The following ADORA2A variants were observed in gnomAD, a reference collection of about 807,000 sequenced individuals.
The protein encoded by ADORA2A is adenosine receptor A2a.
A neutral mutation model predicts 18.4 loss-of-function variants in ADORA2A; 11 were observed. The observed-to-expected ratio is 0.60, with a 90% confidence interval of 0.38 to 0.99. The LOEUF (loss-of-function observed/expected upper bound fraction) is 0.99, where lower values mean the gene tolerates loss of function less well. Among genes scored for constraint, ADORA2A ranks in the 50% least tolerant of loss-of-function variants. ADORA2A has a pLI of 0.01. For synonymous variants in ADORA2A, 218 were observed against 237.3 expected (o/e 0.92, Z 0.75); for missense variants, 449 against 556.1 (o/e 0.81, Z 1.94).
intron 2 of ADORA2A, among the ~76,000 whole-genome samples, chr22:24,436,321 G>A (rs186899807): frequency 1.3e-5 from 2 of 152,072 alleles, no homozygotes; most frequent in Non-Finnish European, 2.9e-5. Context: ...CCTCCTCTAC[G>A]TGCCGTTTCC....
chr22:24,435,288 A>T (rs2043146214), intron 2 of ADORA2A, among the ~76,000 whole-genome samples: 1 of 152,212 alleles, frequency 6.6e-6, no homozygotes, highest in South Asian at 2.1e-4. Context: ...CAGAACACGG[A>T]GGCCCAGGAG....
At chr22:24,437,087 G>T (rs1411592622) in intron 2 of ADORA2A, among the ~76,000 whole-genome samples, 2 of 152,180 alleles carry the variant, frequency 1.3e-5, no homozygotes, top group Non-Finnish European at 2.9e-5. Context: ...TACTCCTCAG[G>T]TTGGGACATG....
At chr22:24,434,026 T>C (rs973979548) in intron 2 of ADORA2A, among the ~76,000 whole-genome samples, 4 of 152,230 alleles carry the variant, frequency 2.6e-5, no homozygotes, top group African/African-American at 9.6e-5. Flanking sequence ...CAGATGAGTG[T>C]GGCCAGGGTC....
chr22:24,438,920 G>A (rs1314830531), intron 2 of ADORA2A, among the ~76,000 whole-genome samples: 1 of 151,996 alleles, frequency 6.6e-6, no homozygotes, highest in Admixed American at 6.6e-5. Context: ...GCAGGCGTAC[G>A]TTTTGCATGG....
chr22:24,440,710 A>C lies in ADORA2A; in HGVS notation c.460A>C (p.Asn154His). The C allele has an allele frequency of 2.5e-6, 4 of 1,614,138 alleles. No homozygotes were observed. Among genetic ancestry groups the C allele is most frequent in the Non-Finnish European group, 3.4e-6 (4 of 1,179,972 alleles). The change falls in exon 3 of 3, where the codon AAC (asparagine) becomes CAC (histidine). Residue 154 changes from asparagine to histidine, a missense_variant. Transcript: ENST00000337539. ...CTGCGGTCAGCCAAAGGAGGGCAAG[A>C]ACCACTCCCAGGGCTGCGGGGAGGG... ...NNCGQPKEGK[N>H]HSQGCGEGQV...
chr22:24,431,157 G>A (rs2043023958), intron 1 of ADORA2A: 1 of 456,826 alleles, frequency 2.2e-6, no homozygotes. Flanking sequence ...GACACACTTT[G>A]TGAATGGCTG....
chr22:24,439,071 C>CTTTTTTTT (rs868563988), intron 2 of ADORA2A, among the ~76,000 whole-genome samples: 5 of 77,926 alleles, frequency 6.4e-5, no homozygotes, highest in South Asian at 5.2e-4. Flanking sequence ...TCCCCTTGCA[C>CTTTTTTTT]CTTTTTTTTT....
At chr22:24,431,827 A>C (rs1380231960) in intron 1 of ADORA2A, among the ~76,000 whole-genome samples, 1 of 152,152 alleles carries the variant, frequency 6.6e-6, no homozygotes, top group Non-Finnish European at 1.5e-5. Context: ...CTGGGGAACC[A>C]AAACTTCTGC....
At chr22:24,435,104 G>A (rs2043140196) in intron 2 of ADORA2A, among the ~76,000 whole-genome samples, 1 of 152,234 alleles carries the variant, frequency 6.6e-6, no homozygotes, top group Admixed American at 6.5e-5. Flanking sequence ...TGCCCTGTCA[G>A]ATGCTCTCTA....
At chr22:24,439,992 T>A (rs2043294526) in intron 2 of ADORA2A, among the ~76,000 whole-genome samples, 1 of 151,894 alleles carries the variant, frequency 6.6e-6, no homozygotes, top group Non-Finnish European at 1.5e-5. Flanking sequence ...GCTTCTGGAG[T>A]CCCCAAGTCA....
At chr22:24,435,248 A>G (rs1358256368) in intron 2 of ADORA2A, among the ~76,000 whole-genome samples, 1 of 152,176 alleles carries the variant, frequency 6.6e-6, no homozygotes, top group African/African-American at 2.4e-5. Context: ...CGACGGGCAG[A>G]GCAGAGTTTA....
At chr22:24,429,010 G>A (rs2042962833) in intron 1 of ADORA2A, among the ~76,000 whole-genome samples, 1 of 152,266 alleles carries the variant, frequency 6.6e-6, no homozygotes, top group African/African-American at 2.4e-5. Context: ...GCCAGGCATG[G>A]CTGGAGCGGG....
chr22:24,426,770 G>A (rs1381929118), upstream of ADORA2A, among the ~76,000 whole-genome samples: 3 of 152,148 alleles, frequency 2.0e-5, no homozygotes, highest in Admixed American at 2.0e-4. Flanking sequence ...CCCAGCACAG[G>A]GGATGATGGG....
chr22:24,440,818 C>T lies in ADORA2A; in HGVS notation c.568C>T (p.Leu190=). The part of the protein sequence containing the change: ...FNFFACVLVP[L]LLMLGVYLRI... ...CTTCTTTGCCTGTGTGCTGGTGCCC[C>T]TGCTGCTCATGCTGGGTGTCTATTT... The change falls in exon 3 of 3, where the codon CTG becomes TTG. Residue 190 remains leucine, a synonymous_variant. Transcript: ENST00000337539. 6.2e-7 allele frequency: 1 copy of T among 1,614,206 alleles called. No individual in the cohort carries two copies. Among genetic ancestry groups the T allele is most frequent in the Non-Finnish European group, 8.5e-7 (1 of 1,180,030 alleles).
intron 2 of ADORA2A, among the ~76,000 whole-genome samples, chr22:24,436,795 G>C (rs2043189539): frequency 6.6e-6 from 1 of 152,188 alleles, no homozygotes; most frequent in African/African-American, 2.4e-5. Flanking sequence ...TTGCAGGACG[G>C]GCAGGCAGGG....
intron 2 of ADORA2A, chr22:24,438,721 G>GCT (rs1250700082): frequency 6.6e-6 from 1 of 152,238 alleles, no homozygotes; most frequent in Non-Finnish European, 1.5e-5. Flanking sequence ...AATGTCCACA[G>GCT]CAAGTCCATT....
At chr22:24,439,625 G>A (rs868427754) in intron 2 of ADORA2A, 1 of 152,016 alleles carries the variant, frequency 6.6e-6, no homozygotes, top group African/African-American at 2.4e-5. Flanking sequence ...AAATTAGGGA[G>A]ACTTTTTTTT....
rs751998595 is a variant in ADORA2A at position 24,433,506 on chromosome 22, C to T, written c.102C>T (p.Asn34=). 1.2e-6 allele frequency: 2 copies of T among 1,614,218 alleles called. No homozygotes were observed. The highest frequency in any genetic ancestry group is 1.7e-6 in the Non-Finnish European group (2 of 1,180,050). ...TGGTGTGCTGGGCCGTGTGGCTCAA[C>T]AGCAACCTGCAGAACGTCACCAACT... The part of the protein sequence containing the change: ...NVLVCWAVWL[N]SNLQNVTNYF... The change falls in exon 2 of 3, where the codon AAC becomes AAT. Residue 34 remains asparagine (N), a synonymous_variant. Transcript: ENST00000337539.
chr22:24,431,619 G>T (rs1601403638), intron 1 of ADORA2A: 9 of 406,686 alleles, frequency 2.2e-5, no homozygotes, highest in South Asian at 1.6e-4. Context: ...GGCAGCCTCT[G>T]ACCTCTTGTC....
Sources: gnomAD v4.1 joint callset for allele counts (sites outside exome capture counted in the v4.1 genomes callset) on GRCh38, gnomAD v4.1.1 for gene constraint, MANE v1.5 for transcripts, NCBI Gene and HGNC (gene_info 2026-07-23, HGNC 2026-07-21) for gene names.